NCKAP1L: variants seen among roughly 807,000 people sequenced by gnomAD.
NCKAP1L encodes NCK associated protein 1 like, also known as nck-associated protein 1-like.
A neutral mutation model predicts 139.2 loss-of-function variants in NCKAP1L; 53 were observed. The observed-to-expected ratio is 0.38, with a 90% confidence interval of 0.31 to 0.48. The LOEUF is 0.48. Among genes scored for constraint, NCKAP1L ranks in the 20% least tolerant of loss-of-function variants. NCKAP1L has a pLI of 0.98. For synonymous variants in NCKAP1L, 468 were observed against 499.7 expected (o/e 0.94, Z 0.85); for missense variants, 1,151 against 1,381.9 (o/e 0.83, Z 2.65).
intron 6 of NCKAP1L, 40 bp downstream of exon 6, chr12:54,509,799 A>G (rs751223312): frequency 2.9e-5 from 47 of 1,614,098 alleles, no homozygotes; most frequent in Non-Finnish European, 3.5e-5. Flanking sequence ...AGGCAAAAGT[A>G]TATTGTCCTC....
rs1956778410 is a variant in NCKAP1L, at chr12:54,499,382, C to G, written c.130C>G (p.Pro44Ala). 6.2e-7 allele frequency: 1 copy of G among 1,610,656 alleles called. No individual in the cohort carries two copies. Among genetic ancestry groups the G allele is most frequent in the Admixed American group, 1.7e-5 (1 of 60,014 alleles). Residue 44 changes from proline to alanine, a missense_variant, in exon 2 of 31, where the codon CCT becomes GCT. Physicochemically the swap from Pro to Ala is conservative, Grantham distance 27. Transcript: ENST00000293373. ...TTGTTCAGACCCCAAATCTAAGCCA[C>G]CTTTCTTACTGGAAAAGTCCATGGA... ...KTCSDPKSKPPFLLEKSMEPS... is the reference protein window; with the variant it reads ...KTCSDPKSKPAFLLEKSMEPS...
intron 16 of NCKAP1L, among the ~76,000 whole-genome samples, chr12:54,520,473 T>C (rs1002725249): frequency 4.2e-4 from 64 of 152,318 alleles, no homozygotes; most frequent in African/African-American, 1.4e-3. Flanking sequence ...TTTATAAAAG[T>C]CTGGAAGGAT....
chr12:54,528,394 GTCT>G lies in NCKAP1L; in HGVS notation c.2506+22_2506+24del, dbSNP rs1469042446. On this transcript the variant is annotated intron_variant, in intron 22 of 30. Transcript: ENST00000293373. ...ACATCTCTGGTGAGCTCAGGGCCTG[GTCT>G]TCTTGTCAAGGAGCTGAGCCCTTCC... The G allele has an allele frequency of 2.5e-6, 4 of 1,611,434 alleles. No homozygotes were observed. Among genetic ancestry groups the G allele is most frequent in the Non-Finnish European group, 3.4e-6 (4 of 1,179,018 alleles).
At chr12:54,525,940 A>G (rs1248624736) in intron 20 of NCKAP1L, among the ~76,000 whole-genome samples, 2 of 152,168 alleles carry the variant, frequency 1.3e-5, no homozygotes, top group Non-Finnish European at 2.9e-5. Flanking sequence ...GTGCCCCTAC[A>G]ATAATATAGT....
intron 26 of NCKAP1L, 27 bp from the exon 27 acceptor site, chr12:54,535,077 T>C (rs748977726): frequency 1.9e-6 from 3 of 1,597,080 alleles, no homozygotes; most frequent in Non-Finnish European, 1.7e-6. Context: ...GCGAATCCTC[T>C]CTAGAATGTT....
chr12:54,523,753 G>A (rs1957005389), intron 19 of NCKAP1L, 72 bp from the exon 20 acceptor site: 6 of 1,553,552 alleles, frequency 3.9e-6, no homozygotes, highest in Non-Finnish European at 5.2e-6. Context: ...CTGGGTCATG[G>A]GCCCAACACG....
chr12:54,514,136 G>A lies in NCKAP1L; in HGVS notation c.941+2031G>A, dbSNP rs1031344804. On this transcript the variant is annotated intron_variant, in intron 9 of 30. Transcript: ENST00000293373. ...ATGTTTTGGATATCTTTGAATATCA[G>A]TCTATAGAGACTTATTATTTTTAAC... Among the ~76,000 whole-genome samples the A allele has an allele frequency of 3.3e-5, 5 of 152,192 alleles. No homozygotes were observed. The South Asian group carries it at 6.2e-4, about 19-fold the overall frequency.
In NCKAP1L at chr12:54,508,426, TG is replaced by T; in HGVS notation, c.402del (p.Ile135LeufsTer2). The stretch of plus-strand genomic sequence containing the variant: ...GATTTCACTCGGAGTTACCTGGACT[TG>T]ATTGTAACTTACACCTCAGTCATTT... ...NFDFTRSYLDLIVTYTSVILL... is the reference protein window; with the variant it reads ...NFDFTRSYLDXIVTYTSVILL... On this transcript the variant is annotated frameshift_variant, in exon 5 of 31. Coordinates refer to ENST00000293373, the MANE Select transcript of NCKAP1L (RefSeq NM_005337.5). LOFTEE classifies it high-confidence loss of function. The T allele has an allele frequency of 6.2e-7, 1 of 1,614,144 alleles. No individual in the cohort carries two copies. Among genetic ancestry groups the T allele is most frequent in the Non-Finnish European group, 8.5e-7 (1 of 1,179,956 alleles).
chr12:54,537,521 G>A (rs73109131), intron 29 of NCKAP1L, among the ~76,000 whole-genome samples: 6,649 of 152,256 alleles, frequency 0.044, 187 homozygotes, highest in Middle Eastern at 0.13. Flanking sequence ...GAATATTGTA[G>A]GGTAAATCTA....
chr12:54,531,931 T>C lies in NCKAP1L; in HGVS notation c.2781+106T>C, dbSNP rs537101230. 178 of 992,120 alleles carry C rather than the reference T, an allele frequency of 1.8e-4. No homozygotes were observed. In the African/African-American group the frequency reaches 2.7e-3, roughly 15 times the overall value. 61.5% of individuals were successfully genotyped at this position (992,120 alleles called of 1,614,324 possible). ...TGCGGGAATCAGTTTTAACTTCTGC[T>C]TCAGAAGGGGTTGGTGAGCATTGAG... On this transcript the variant is annotated intron_variant, in intron 25 of 30. Transcript: ENST00000293373.
intron 26 of NCKAP1L, among the ~76,000 whole-genome samples, chr12:54,532,537 T>C (rs1043526334): frequency 4.6e-5 from 7 of 152,278 alleles, no homozygotes; most frequent in Admixed American, 4.6e-4. Flanking sequence ...GGTTTTCACC[T>C]GATATGAGCA....
chr12:54,503,252 GGAT>G (rs1429461621), intron 3 of NCKAP1L, among the ~76,000 whole-genome samples: 2 of 151,606 alleles, frequency 1.3e-5, no homozygotes, highest in African/African-American at 2.4e-5. Context: ...AATACTACAT[GGAT>G]GATATTTTAT....
chr12:54,526,813 A>T (rs1195407262), intron 21 of NCKAP1L, 67 bp downstream of exon 21: 2 of 1,370,952 alleles, frequency 1.5e-6, no homozygotes, highest in African/African-American at 2.9e-5. Context: ...ACACGGTAGG[A>T]CCTCAGGGCC....
intron 3 of NCKAP1L, among the ~76,000 whole-genome samples, chr12:54,506,634 A>G (rs1447087561): frequency 4.1e-5 from 6 of 147,744 alleles, no homozygotes; most frequent in African/African-American, 1.5e-4. Context: ...GGGTTTTGTC[A>G]TGTTGGCCAG....
intron 9 of NCKAP1L, among the ~76,000 whole-genome samples, chr12:54,514,666 A>G (rs1290298852): frequency 6.6e-6 from 1 of 152,160 alleles, no homozygotes; most frequent in African/African-American, 2.4e-5. Flanking sequence ...TTAGAAGTGG[A>G]ATTGCTGAAG....
intron 16 of NCKAP1L, among the ~76,000 whole-genome samples, chr12:54,520,193 A>T (rs960426837): frequency 1.3e-5 from 2 of 152,254 alleles, no homozygotes; most frequent in African/African-American, 4.8e-5. Flanking sequence ...TGAAAAGGAC[A>T]TCAACATAGT....
chr12:54,523,328 A>G (rs1392378704), intron 18 of NCKAP1L, 66 bp from the exon 19 acceptor site: 1 of 1,544,754 alleles, frequency 6.5e-7, no homozygotes, highest in African/African-American at 1.4e-5. Context: ...CAACCTTTTT[A>G]TAACTGTCAG....
chr12:54,518,930 A>T lies in NCKAP1L; in HGVS notation c.1437A>T (p.Lys479Asn). 1 of 1,614,078 alleles carries T rather than the reference A, an allele frequency of 6.2e-7. No homozygotes were observed. The highest frequency in any genetic ancestry group is 8.5e-7 in the Non-Finnish European group (1 of 1,179,972). Residue 479 changes from lysine to asparagine, a missense_variant, in exon 15 of 31, where the codon AAA becomes AAT. Lys to Asn is a moderately conservative substitution (Grantham distance 94). Coordinates refer to ENST00000293373, the MANE Select transcript of NCKAP1L (RefSeq NM_005337.5). The stretch of plus-strand genomic sequence containing the variant: ...TTCTTGCAGTTGATAATGGAGAAAA[A>T]TTTGAATTCTCAGGATTGAGGCTGG... ...LNLKQVDNGE[K>N]FEFSGLRLDW...
chr12:54,508,357 T>A, intron 4 of NCKAP1L, 32 bp from the exon 5 acceptor site: 1 of 1,612,890 alleles, frequency 6.2e-7, no homozygotes, highest in South Asian at 1.1e-5. Flanking sequence ...TTGGCCATGC[T>A]GTCCTTGGGT....
Sources: gnomAD v4.1 joint callset for allele counts (sites outside exome capture counted in the v4.1 genomes callset) on GRCh38, gnomAD v4.1.1 for gene constraint, MANE v1.5 for transcripts, NCBI Gene and HGNC (gene_info 2026-07-23, HGNC 2026-07-21) for gene names.